The following NTRK2 variants were observed in gnomAD, a reference collection of about 807,000 sequenced individuals.
NTRK2 encodes the protein BDNF/NT-3 growth factors receptor.
In NTRK2, 13 loss-of-function variants were observed where a neutral mutation model predicts 94.5. That is an observed-to-expected ratio of 0.14 (90% CI 0.09 to 0.22). The LOEUF (loss-of-function observed/expected upper bound fraction) is 0.22, where lower values mean the gene tolerates loss of function less well. Ranked by LOEUF, NTRK2 falls within the 10% of genes least tolerant of loss-of-function variation. NTRK2 has a pLI of 1.00. For synonymous variants in NTRK2, 372 were observed against 407.4 expected (o/e 0.91, Z 1.05); for missense variants, 639 against 1,071.2 (o/e 0.60, Z 5.63).
chr9:84,766,595 A>G (rs2066048562), intron 12 of NTRK2, among the ~76,000 whole-genome samples: 1 of 151,910 alleles, frequency 6.6e-6, no homozygotes, highest in Non-Finnish European at 1.5e-5. Context: ...TATGGAGGAA[A>G]CTTCACTTCA....
chr9:85,009,910 C>T (rs1427006851), intron 17 of NTRK2, among the ~76,000 whole-genome samples: 1 of 152,204 alleles, frequency 6.6e-6, no homozygotes, highest in Non-Finnish European at 1.5e-5. Flanking sequence ...ACTTCCCCAG[C>T]TGAGAGGAAA....
intron 17 of NTRK2, among the ~76,000 whole-genome samples, chr9:84,999,426 A>G (rs989298778): frequency 6.6e-6 from 1 of 152,216 alleles, no homozygotes; most frequent in Non-Finnish European, 1.5e-5. Flanking sequence ...ATATTGGGCC[A>G]TTAGGGCACA....
chr9:84,734,615 C>T (rs1278081885), intron 9 of NTRK2, among the ~76,000 whole-genome samples: 2 of 152,110 alleles, frequency 1.3e-5, no homozygotes. Flanking sequence ...TGGATTTTTC[C>T]TGTGCTGTTC....
Position 84,670,608 on chromosome 9 carries a change from T to C in NTRK2, c.-141T>C. 1 of 832,480 alleles carries C rather than the reference T, an allele frequency of 1.2e-6. No individual in the cohort carries two copies. Among genetic ancestry groups the C allele is most frequent in the Non-Finnish European group, 2.0e-6 (1 of 499,556 alleles). 51.6% of individuals were successfully genotyped at this position (832,480 alleles called of 1,614,324 possible). On this transcript the variant is annotated 5_prime_UTR_variant, in exon 2 of 19. Transcript: ENST00000277120. ...CGCTCCGGACCAGCTCAGCCTCTGATAAGCTGGACTCGGCACGCCCGCAAC... is the reference window on the plus strand; with the variant it reads ...CGCTCCGGACCAGCTCAGCCTCTGACAAGCTGGACTCGGCACGCCCGCAAC...
intron 17 of NTRK2, among the ~76,000 whole-genome samples, chr9:84,981,643 G>T (rs1241876510): frequency 1.3e-5 from 2 of 152,014 alleles, no homozygotes; most frequent in African/African-American, 2.4e-5. Context: ...CAGTTGAAAA[G>T]GTATGATACT....
chr9:84,993,720 T>C (rs2133341338), intron 17 of NTRK2, among the ~76,000 whole-genome samples: 1 of 152,334 alleles, frequency 6.6e-6, no homozygotes, highest in African/African-American at 2.4e-5. Flanking sequence ...ACCCCTCAGC[T>C]TCATCCCTTG....
At chr9:84,872,599 C>T (rs970125636) in intron 14 of NTRK2, 6 of 1,062,194 alleles carry the variant, frequency 5.6e-6, no homozygotes, top group Non-Finnish European at 6.8e-6. Flanking sequence ...GTAAAGTATT[C>T]TGACTTTTTT....
At chr9:84,730,838 TAAC>T (rs1445455808) in intron 9 of NTRK2, among the ~76,000 whole-genome samples, 2 of 147,662 alleles carry the variant, frequency 1.4e-5, no homozygotes, top group African/African-American at 5.0e-5. Flanking sequence ...CTTTCCAAGT[TAAC>T]AACAGCAGGT....
chr9:84,786,785 G>C (rs2133126665), intron 12 of NTRK2, among the ~76,000 whole-genome samples: 1 of 152,222 alleles, frequency 6.6e-6, no homozygotes, highest in South Asian at 2.1e-4. Context: ...TTTTTGCTTT[G>C]AGAAACTGTG....
At chr9:84,912,012 A>G (rs1181207020) in intron 14 of NTRK2, among the ~76,000 whole-genome samples, 1 of 152,092 alleles carries the variant, frequency 6.6e-6, no homozygotes, top group East Asian at 1.9e-4. Flanking sequence ...TGACCCAAGG[A>G]TTATTTAAAA....
chr9:84,815,417 A>G (rs201780923), intron 12 of NTRK2: 92 of 1,046,020 alleles, frequency 8.8e-5, no homozygotes, highest in Non-Finnish European at 1.0e-4. Context: ...ATACAAAGTA[A>G]CAAGAGATTC....
chr9:84,835,458 T>TC (rs1457430475), intron 12 of NTRK2, among the ~76,000 whole-genome samples: 1 of 152,086 alleles, frequency 6.6e-6, no homozygotes, highest in Non-Finnish European at 1.5e-5. Context: ...AAAGGATGTG[T>TC]CTATCAAGTG....
chr9:84,991,551 T>A (rs954817696), intron 17 of NTRK2, among the ~76,000 whole-genome samples: 1 of 152,100 alleles, frequency 6.6e-6, no homozygotes, highest in African/African-American at 2.4e-5. Flanking sequence ...TTTCTCCCTC[T>A]CCCTTCCCTT....
chr9:84,926,128 T>C (rs1372242553), intron 14 of NTRK2, among the ~76,000 whole-genome samples: 1 of 47,444 alleles, frequency 2.1e-5, no homozygotes, highest in African/African-American at 6.1e-5. Flanking sequence ...CTTCCTTCCT[T>C]CCTTCCTTCC....
At chr9:84,798,604 A>G (rs1490225644) in intron 12 of NTRK2, among the ~76,000 whole-genome samples, 4 of 152,164 alleles carry the variant, frequency 2.6e-5, no homozygotes, top group East Asian at 3.9e-4. Flanking sequence ...ACTGAAGAAA[A>G]TGGGCTATAG....
intron 5 of NTRK2, 99 bp downstream of exon 5, chr9:84,708,011 A>T (rs181544934): frequency 1.3e-4 from 122 of 929,070 alleles, no homozygotes; most frequent in Non-Finnish European, 2.1e-4. Flanking sequence ...ATCTATTTTT[A>T]TACCAAATTC....
chr9:84,849,680 A>C (rs2074657564), intron 12 of NTRK2, among the ~76,000 whole-genome samples: 1 of 152,232 alleles, frequency 6.6e-6, no homozygotes, highest in African/African-American at 2.4e-5. Context: ...AAGTAAGTAG[A>C]TAGCTAAAAA....
rs72737674 is a variant in NTRK2, at chr9:84,704,517, C to T, written c.359+2098C>T. Among the ~76,000 whole-genome samples, 997 of 152,158 alleles carry T rather than the reference C, an allele frequency of 6.6e-3. 5 individuals are homozygous for T. The highest frequency in any genetic ancestry group is 0.017 in the Middle Eastern group (5 of 294). On this transcript the variant is annotated intron_variant, in intron 4 of 18. Transcript: ENST00000277120. ...CTGGTATTACAGGCTTGAGCCACTACGCCTGGCCGGTGGTATTCTTTGTGC... is the reference window on the plus strand; with the variant it reads ...CTGGTATTACAGGCTTGAGCCACTATGCCTGGCCGGTGGTATTCTTTGTGC...
At position 84,693,760 on chromosome 9, in the gene NTRK2, G is replaced by A. The variant is rs571040840; in HGVS notation, c.213-8399G>A. On this transcript the variant is annotated intron_variant, in intron 2 of 18. Transcript: ENST00000277120. ...GCAGACAAGGAAACTGAGGCGTAGG[G>A]ACTTGTCTCAGGTCATATAGCCAGT... Among the ~76,000 whole-genome samples the A allele has an allele frequency of 3.9e-5, 6 of 152,288 alleles. No individual in the cohort carries two copies. In the South Asian group the frequency reaches 1.2e-3, roughly 32 times the overall value.
Sources: allele counts gnomAD v4.1 joint callset (sites outside exome capture counted in the v4.1 genomes callset), GRCh38; gene constraint gnomAD v4.1.1; transcripts MANE v1.5; gene names NCBI Gene and HGNC (gene_info 2026-07-23, HGNC 2026-07-21).